Variants in ADCY3 observed in about 807,000 individuals in gnomAD.
The protein encoded by ADCY3 is adenylate cyclase 3, also known as adenylate cyclase type 3.
ADCY3 carries 70 observed loss-of-function variants against 119.4 expected under a neutral mutation model. The observed-to-expected ratio is 0.59, with a 90% confidence interval of 0.48 to 0.72. The LOEUF (loss-of-function observed/expected upper bound fraction) is 0.72, where lower values mean the gene tolerates loss of function less well. Ranked by LOEUF, ADCY3 falls within the 30% of genes least tolerant of loss-of-function variation. The pLI is 0.00. For synonymous variants in ADCY3, 672 were observed against 621.4 expected (o/e 1.08, Z -1.21); for missense variants, 1,238 against 1,541.6 (o/e 0.80, Z 3.30).
chr2:24,895,764 C>A (rs1005328916), intron 2 of ADCY3, among the ~76,000 whole-genome samples: 23 of 151,862 alleles, frequency 1.5e-4, no homozygotes, highest in African/African-American at 5.3e-4. Flanking sequence ...TAGCTGGGAC[C>A]ACAGGCACAT....
intron 16 of ADCY3, chr2:24,825,761 A>G: frequency 2.2e-6 from 1 of 454,564 alleles, no homozygotes. Flanking sequence ...TATTGATTTG[A>G]TTCAAGATGT....
At chr2:24,907,732 C>T (rs545520683) in intron 2 of ADCY3, among the ~76,000 whole-genome samples, 2 of 152,318 alleles carry the variant, frequency 1.3e-5, no homozygotes, top group South Asian at 2.1e-4. Context: ...CAGTAGCTCA[C>T]GTCTGTAATC....
At chr2:24,836,394 C>T (rs1028835632) in intron 9 of ADCY3, among the ~76,000 whole-genome samples, 1 of 152,242 alleles carries the variant, frequency 6.6e-6, no homozygotes, top group African/African-American at 2.4e-5. Context: ...CAGCACTGAC[C>T]TCCATCAGTG....
chr2:24,916,648 C>T (rs1664497146), intron 2 of ADCY3, among the ~76,000 whole-genome samples: 1 of 152,082 alleles, frequency 6.6e-6, no homozygotes, highest in South Asian at 2.1e-4. Context: ...CGCCATTGCA[C>T]TCCAGCCTGG....
chr2:24,911,643 A>ACACACACACAC (rs1333739960), intron 2 of ADCY3, among the ~76,000 whole-genome samples: 1 of 60,004 alleles, frequency 1.7e-5, no homozygotes, highest in African/African-American at 5.6e-5. Flanking sequence ...GACTCAAAAA[A>ACACACACACAC]AAAAAAAAAA....
In ADCY3 at chr2:24,919,167, A is replaced by T; in HGVS notation, c.-180T>A. ...CAGAGCGGGTTTCCAGAGCACAGGT[A>T]GCACTGATCAGCTAGAACTGAAAAG... On this transcript the variant is annotated 5_prime_UTR_variant, in exon 2 of 22. Transcript: ENST00000679454. This position sits in a 1 kb window ranked among gnomAD's most constrained non-coding sequence, Gnocchi z 5.5. 1 of 617,750 alleles carries T rather than the reference A, an allele frequency of 1.6e-6. No individual in the cohort carries two copies. The highest frequency in any genetic ancestry group is 2.8e-6 in the Non-Finnish European group (1 of 354,136). The allele number at this position is 617,750 out of a possible 1,614,324, so 38.3% of individuals were successfully genotyped here. A position where few individuals can be genotyped will look rare whatever the true frequency, so the allele number is the denominator to read the frequency against.
Position 24,820,031 on chromosome 2 carries a change from C to T in ADCY3, c.3336G>A (p.Gly1112=), listed in dbSNP as rs754934863. 5 of 1,609,080 alleles carry T rather than the reference C, an allele frequency of 3.1e-6. No homozygotes were observed. The highest frequency in any genetic ancestry group is 4.2e-6 in the Non-Finnish European group (5 of 1,177,864). ...CCTTCAAGAAGAAGGTCAGCAGCTCCCCCTTCCCCTTCACAAAGATGGGGC... is the reference window on the plus strand; with the variant it reads ...CCTTCAAGAAGAAGGTCAGCAGCTCTCCCTTCCCCTTCACAAAGATGGGGC... The part of the protein sequence containing the change: ...RRGPIFVKGK[G]ELLTFFLKGR... The change falls in exon 22 of 22, where the codon GGG becomes GGA. Residue 1112 remains glycine, a synonymous_variant. Coordinates refer to ENST00000679454, the MANE Select transcript of ADCY3 (RefSeq NM_004036.5).
intron 13 of ADCY3, among the ~76,000 whole-genome samples, chr2:24,830,162 T>C (rs1211481567): frequency 6.6e-6 from 1 of 150,414 alleles, no homozygotes; most frequent in Middle Eastern, 3.2e-3. Flanking sequence ...TGCTTCAGCC[T>C]CCCAAGTAGC....
intron 21 of ADCY3, 141 bp from the exon 22 acceptor site, chr2:24,820,255 C>T: frequency 8.3e-7 from 1 of 1,198,356 alleles, no homozygotes; most frequent in Non-Finnish European, 1.1e-6. Context: ...CTCCCAGGGC[C>T]AAGCCCTTCC....
intron 20 of ADCY3, 160 bp from the exon 21 acceptor site, chr2:24,821,008 TCTC>T (rs1293310451): frequency 5.8e-6 from 6 of 1,026,096 alleles, no homozygotes; most frequent in South Asian, 3.4e-5. Context: ...GGAAATCACA[TCTC>T]CTGTTTATCC....
intron 2 of ADCY3, among the ~76,000 whole-genome samples, chr2:24,892,184 T>C (rs1677730939): frequency 6.6e-6 from 1 of 152,224 alleles, no homozygotes; most frequent in African/African-American, 2.4e-5. Flanking sequence ...AGTCTGTTAC[T>C]TCTACTTCCA....
chr2:24,888,923 T>C (rs1677377225), intron 2 of ADCY3, among the ~76,000 whole-genome samples: 4 of 152,104 alleles, frequency 2.6e-5, no homozygotes, highest in Admixed American at 2.6e-4. Context: ...GCAGGAGAAT[T>C]GCTTGAACCC....
At chr2:24,855,023 C>T (rs1331828412) in intron 3 of ADCY3, among the ~76,000 whole-genome samples, 2 of 152,132 alleles carry the variant, frequency 1.3e-5, no homozygotes, top group Non-Finnish European at 2.9e-5. Context: ...GCACTCCAGC[C>T]TGGGTGACAG....
At chr2:24,840,577 C>T (rs1170699979) in intron 6 of ADCY3, 7 of 466,746 alleles carry the variant, frequency 1.5e-5, no homozygotes, top group Non-Finnish European at 2.7e-5. Context: ...GGGTAAAGAG[C>T]AGGCAACTTC....
At chr2:24,853,668 C>T (rs1036226532) in intron 3 of ADCY3, among the ~76,000 whole-genome samples, 1 of 151,908 alleles carries the variant, frequency 6.6e-6, no homozygotes, top group Admixed American at 6.6e-5. Flanking sequence ...CGGGGTTTCA[C>T]CATGTTGGCC....
chr2:24,839,049 T>G (rs1670680399), intron 7 of ADCY3: 1 of 417,462 alleles, frequency 2.4e-6, no homozygotes, highest in Non-Finnish European at 4.3e-6. Flanking sequence ...TTCAAGCAAT[T>G]CTCCTGCCTC....
intron 3 of ADCY3, among the ~76,000 whole-genome samples, chr2:24,869,831 C>T (rs1674745035): frequency 6.6e-6 from 1 of 152,034 alleles, no homozygotes; most frequent in African/African-American, 2.4e-5. Flanking sequence ...ACCGTAATAC[C>T]AAAACCTGTC....
intron 2 of ADCY3, among the ~76,000 whole-genome samples, chr2:24,915,250 A>G (rs988705406): frequency 6.6e-6 from 1 of 152,334 alleles, no homozygotes; most frequent in Middle Eastern, 3.4e-3. Flanking sequence ...CCCCAGCCAG[A>G]GCCGACAGGG....
intron 3 of ADCY3, among the ~76,000 whole-genome samples, chr2:24,851,300 C>T (rs1672261707): frequency 6.6e-6 from 1 of 152,160 alleles, no homozygotes; most frequent in Admixed American, 6.5e-5. Flanking sequence ...CCTAGGAAGC[C>T]AAAGACAGAA....
Sources: allele counts gnomAD v4.1 joint callset (sites outside exome capture counted in the v4.1 genomes callset), GRCh38; gene constraint gnomAD v4.1.1; non-coding constraint Gnocchi (gnomAD v3.1); transcripts MANE v1.5; gene names NCBI Gene and HGNC (gene_info 2026-07-23, HGNC 2026-07-21).